The following THSD7B variants were observed in gnomAD, a reference collection of about 807,000 sequenced individuals.
THSD7B encodes thrombospondin type 1 domain containing 7B.
THSD7B carries 138 observed loss-of-function variants against 213.6 expected under a neutral mutation model. The ratio of observed to expected loss-of-function variants is 0.65; its 90% CI spans 0.56 to 0.74. The LOEUF (loss-of-function observed/expected upper bound fraction) is 0.74. THSD7B is among the 30% of genes least tolerant of loss of function. THSD7B has a pLI of 0.00. For synonymous variants in THSD7B, 742 were observed against 687.0 expected (o/e 1.08, Z -1.25); for missense variants, 1,931 against 1,991.5 (o/e 0.97, Z 0.58).
At chr2:137,360,073 A>G (rs1273935224) in intron 12 of THSD7B, among the ~76,000 whole-genome samples, 3 of 152,226 alleles carry the variant, frequency 2.0e-5, no homozygotes, top group Admixed American at 2.0e-4. Flanking sequence ...ACTAAAAATT[A>G]ACTTGTCAAA....
intron 15 of THSD7B, among the ~76,000 whole-genome samples, chr2:137,538,265 C>A (rs1680542827): frequency 6.6e-6 from 1 of 151,614 alleles, no homozygotes; most frequent in Non-Finnish European, 1.5e-5. Flanking sequence ...TTCTCTATTT[C>A]CACACAATCA....
At chr2:137,037,118 T>A (rs1686792232) in intron 2 of THSD7B, among the ~76,000 whole-genome samples, 1 of 152,164 alleles carries the variant, frequency 6.6e-6, no homozygotes, top group Admixed American at 6.6e-5. Context: ...AGTCCTTTTT[T>A]TCCCCTAAGG....
chr2:137,419,405 CACTGATAATCGAAGAGTGAAA>C lies in THSD7B; in HGVS notation c.2959+7535_2959+7555del, dbSNP rs1686874596. 3.8e-5 allele frequency among the ~76,000 whole-genome samples: 2 copies of C among 51,992 alleles called. 1 individual carries two copies. Among genetic ancestry groups the C allele is most frequent in the Non-Finnish European group, 1.2e-4 (2 of 16,168 alleles). 34.1% of individuals were successfully genotyped at this position (51,992 alleles called of 152,430 possible). The stretch of plus-strand genomic sequence containing the variant: ...CCCACATCAAAGAAGAATGAGGATA[CACTGATAATCGAAGAGTGAAA>C]AGGACAGAGAATAATGTTACTGAGT... On this transcript the variant is annotated intron_variant, in intron 14 of 27. Coordinates refer to ENST00000409968, the MANE Select transcript of THSD7B (RefSeq NM_001316349.2).
chr2:137,312,026 G>C (rs1028519610), intron 12 of THSD7B, among the ~76,000 whole-genome samples: 2 of 148,746 alleles, frequency 1.3e-5, no homozygotes, highest in Non-Finnish European at 3.0e-5. Flanking sequence ...CTCATAAAAT[G>C]AGTTAGGGAG....
intron 1 of THSD7B, among the ~76,000 whole-genome samples, chr2:136,863,857 C>T (rs571926291): frequency 6.6e-5 from 10 of 152,198 alleles, no homozygotes; most frequent in Non-Finnish European, 8.8e-5. Flanking sequence ...TTTTACTTTT[C>T]GTGATAAAAG....
intron 14 of THSD7B, among the ~76,000 whole-genome samples, chr2:137,439,362 A>G (rs575828110): frequency 2.6e-5 from 4 of 152,166 alleles, no homozygotes; most frequent in African/African-American, 7.2e-5. Context: ...TGAGACTTCT[A>G]TTAGTATAAT....
intron 21 of THSD7B, among the ~76,000 whole-genome samples, chr2:137,652,263 A>G (rs1355367409): frequency 6.6e-6 from 1 of 152,052 alleles, no homozygotes; most frequent in Non-Finnish European, 1.5e-5. Flanking sequence ...CAACAATTAC[A>G]GTTGCTATAT....
At chr2:137,547,560 A>G (rs1361008558) in intron 15 of THSD7B, among the ~76,000 whole-genome samples, 2 of 152,056 alleles carry the variant, frequency 1.3e-5, no homozygotes, top group Non-Finnish European at 2.9e-5. Flanking sequence ...TGAAGTAATA[A>G]TCTATTTTAT....
At chr2:136,803,091 T>G (rs2104923690) in intron 1 of THSD7B, among the ~76,000 whole-genome samples, 1 of 152,116 alleles carries the variant, frequency 6.6e-6, no homozygotes, top group Middle Eastern at 3.4e-3. Context: ...TATTATAGAT[T>G]CCTATTTCAT....
chr2:137,320,982 C>T (rs1407211117), intron 12 of THSD7B, among the ~76,000 whole-genome samples: 1 of 152,148 alleles, frequency 6.6e-6, no homozygotes, highest in Non-Finnish European at 1.5e-5. Flanking sequence ...GTGTGTGTGC[C>T]TTAGACAAGT....
At chr2:137,638,281 T>A (rs962189899) in intron 20 of THSD7B, among the ~76,000 whole-genome samples, 1 of 152,314 alleles carries the variant, frequency 6.6e-6, no homozygotes, top group South Asian at 2.1e-4. Flanking sequence ...GAATCATGGG[T>A]GCCGGTCTTT....
intron 1 of THSD7B, among the ~76,000 whole-genome samples, chr2:136,878,768 T>G (rs1339911543): frequency 2.6e-5 from 4 of 152,198 alleles, no homozygotes; most frequent in African/African-American, 4.8e-5. Context: ...GGGTTGTTTG[T>G]TTTTTTCTTG....
At chr2:137,332,732 C>G (rs1415579011) in intron 12 of THSD7B, among the ~76,000 whole-genome samples, 3 of 152,088 alleles carry the variant, frequency 2.0e-5, no homozygotes, top group Non-Finnish European at 4.4e-5. Flanking sequence ...GGGGCAGTTT[C>G]CCTCATACTA....
intron 14 of THSD7B, among the ~76,000 whole-genome samples, chr2:137,430,168 G>A (rs1256706925): frequency 6.6e-6 from 1 of 152,078 alleles, no homozygotes; most frequent in Admixed American, 6.5e-5. Context: ...GACTACTTGA[G>A]CCCAGGAATT....
intron 5 of THSD7B, among the ~76,000 whole-genome samples, chr2:137,120,298 A>T (rs1360905915): frequency 6.6e-6 from 1 of 152,068 alleles, no homozygotes; most frequent in Non-Finnish European, 1.5e-5. Context: ...TAACATGCAG[A>T]TCTCTGGATT....
intron 12 of THSD7B, among the ~76,000 whole-genome samples, chr2:137,365,964 C>T (rs1050309823): frequency 6.6e-6 from 1 of 152,136 alleles, no homozygotes; most frequent in Non-Finnish European, 1.5e-5. Flanking sequence ...TGGCACCATT[C>T]ACAATAGCAA....
intron 2 of THSD7B, among the ~76,000 whole-genome samples, chr2:136,924,921 T>A (rs976234290): frequency 6.6e-6 from 1 of 152,224 alleles, no homozygotes; most frequent in African/African-American, 2.4e-5. Flanking sequence ...TTTATCCTTT[T>A]TGATGCCATA....
chr2:136,889,202 G>T (rs1006866868), intron 2 of THSD7B, among the ~76,000 whole-genome samples: 2 of 151,902 alleles, frequency 1.3e-5, no homozygotes, highest in Non-Finnish European at 2.9e-5. Context: ...TAAAAAACAG[G>T]CTCACATAGT....
intron 15 of THSD7B, among the ~76,000 whole-genome samples, chr2:137,535,876 G>A (rs1680496077): frequency 6.6e-6 from 1 of 151,370 alleles, no homozygotes; most frequent in South Asian, 2.1e-4. Flanking sequence ...ATCAGTGGGG[G>A]GAACAGACTT....
Sources: allele counts gnomAD v4.1 joint callset (sites outside exome capture counted in the v4.1 genomes callset), GRCh38; gene constraint gnomAD v4.1.1; transcripts MANE v1.5; gene names NCBI Gene and HGNC (gene_info 2026-07-23, HGNC 2026-07-21).